KPNA7: variants seen among roughly 807,000 people sequenced by gnomAD.
KPNA7 encodes the protein importin subunit alpha-8.
Under a neutral mutation model 53.7 loss-of-function variants are expected in KPNA7, and 54 were observed. The observed-to-expected ratio is 1.01, with a 90% CI of 0.81 to 1.26. The LOEUF (loss-of-function observed/expected upper bound fraction) is 1.26, where lower values mean the gene tolerates loss of function less well. Ranked by LOEUF, KPNA7 falls within the 50% of genes most tolerant of loss-of-function variation. The pLI is 0.00. For synonymous variants in KPNA7, 276 were observed against 259.3 expected, an observed-to-expected ratio of 1.06 and a Z score of -0.62; for missense variants, 640 against 644.5, an observed-to-expected ratio of 0.99 and a Z score of 0.07.
intron 1 of KPNA7, among the ~76,000 whole-genome samples, chr7:99,216,777 G>A (rs1251026131): frequency 1.3e-5 from 2 of 152,140 alleles, no homozygotes; most frequent in Non-Finnish European, 2.9e-5. Context: ...GGCCAGGCTG[G>A]TCTCGAACTC....
intron 1 of KPNA7, among the ~76,000 whole-genome samples, chr7:99,216,876 C>T (rs1371421874): frequency 6.6e-6 from 1 of 152,160 alleles, no homozygotes; most frequent in Non-Finnish European, 1.5e-5. Flanking sequence ...CTTACCCTTT[C>T]AATCCTTCTG....
chr7:99,205,636 G>C (rs1464406440), intron 2 of KPNA7, among the ~76,000 whole-genome samples: 1 of 152,136 alleles, frequency 6.6e-6, no homozygotes, highest in Non-Finnish European at 1.5e-5. Context: ...GATCACTTGA[G>C]GCCAGGAGTT....
Position 99,180,203 on chromosome 7 carries a change from C to G in KPNA7, c.1317+1680G>C, listed in dbSNP as rs1418385515. ...TTCCCGGTCATCGTGTAAGCCTCCT[C>G]AGAAGCCAATCCTCTTGGCTAGGCA... On this transcript the variant is annotated intron_variant, in intron 9 of 10. Coordinates refer to ENST00000327442, the MANE Select transcript of KPNA7 (RefSeq NM_001145715.3). Among the ~76,000 whole-genome samples, 10 of 152,278 alleles carry G rather than the reference C, an allele frequency of 6.6e-5. 1 individual carries two copies. The South Asian group carries it at 1.5e-3, about 22-fold the overall frequency.
chr7:99,161,661 T>G, the KPNA7 span, among the ~76,000 whole-genome samples: 3 of 152,224 alleles, frequency 2.0e-5, no homozygotes, highest in Non-Finnish European at 4.4e-5. Context: ...TGCCACTTAC[T>G]GAAAGATGAA....
At chr7:99,207,359 G>A in intron 2 of KPNA7, 42 bp downstream of exon 2, 12 of 1,520,996 alleles carry the variant, frequency 7.9e-6, no homozygotes, top group Non-Finnish European at 1.1e-5. Flanking sequence ...TATGCAGATT[G>A]CACTGGTCCC....
chr7:99,211,574 G>C (rs531798015), upstream of KPNA7, among the ~76,000 whole-genome samples: 1 of 151,092 alleles, frequency 6.6e-6, no homozygotes, highest in Non-Finnish European at 1.5e-5. Flanking sequence ...GGGAGTTGGA[G>C]ATAGAACAAC....
chr7:99,167,311 C>T, the KPNA7 span, among the ~76,000 whole-genome samples: 1 of 152,182 alleles, frequency 6.6e-6, no homozygotes, highest in African/African-American at 2.4e-5. Context: ...TAGACCAGTC[C>T]GTAGCCTGAT....
At chr7:99,185,663 T>C (rs995969365) in intron 7 of KPNA7, among the ~76,000 whole-genome samples, 1 of 152,154 alleles carries the variant, frequency 6.6e-6, no homozygotes, top group African/African-American at 2.4e-5. Context: ...AAAGGAACTT[T>C]CTGGCTTCCC....
intron 1 of KPNA7, among the ~76,000 whole-genome samples, chr7:99,217,668 T>C (rs1354685939): frequency 8.2e-6 from 1 of 121,652 alleles, no homozygotes; most frequent in Non-Finnish European, 1.6e-5. Context: ...TCTTGCTCTG[T>C]CACCCAGGCT....
chr7:99,187,808 A>ATTT (rs1563075121), intron 7 of KPNA7, among the ~76,000 whole-genome samples: 1 of 34,818 alleles, frequency 2.9e-5, no homozygotes, highest in African/African-American at 5.4e-5. Flanking sequence ...TTAAAAAAAA[A>ATTT]AAAAAAAAAA....
At chr7:99,166,943 C>T in the KPNA7 span, among the ~76,000 whole-genome samples, 1 of 152,296 alleles carries the variant, frequency 6.6e-6, no homozygotes, top group African/African-American at 2.4e-5. Flanking sequence ...TGACCACTGC[C>T]CACACAGCTT....
At chr7:99,200,294 T>G (rs1790449371) in intron 3 of KPNA7, among the ~76,000 whole-genome samples, 1 of 152,176 alleles carries the variant, frequency 6.6e-6, no homozygotes, top group African/African-American at 2.4e-5. Flanking sequence ...TGCCTCAGCC[T>G]CCCAATGTGT....
chr7:99,178,076 A>C lies in KPNA7; in HGVS notation c.1318-10T>G. 1 of 1,550,862 alleles carries C rather than the reference A, an allele frequency of 6.4e-7. No homozygotes were observed. The highest frequency in any genetic ancestry group is 8.7e-7 in the Non-Finnish European group (1 of 1,146,642). On this transcript the variant is annotated splice_polypyrimidine_tract_variant and intron_variant, in intron 9 of 10. Coordinates refer to ENST00000327442, the MANE Select transcript of KPNA7 (RefSeq NM_001145715.3). ...ACCGTTTCTCTGCCGCCTGTGACCA[A>C]GTACAAGGGGACATGAGACCCCCGG...
intron 10 of KPNA7, among the ~76,000 whole-genome samples, chr7:99,176,362 A>G (rs1328433761): frequency 6.6e-6 from 1 of 151,954 alleles, no homozygotes; most frequent in Non-Finnish European, 1.5e-5. Flanking sequence ...GTGCAAATCA[A>G]ACCACAATGA....
the KPNA7 span, among the ~76,000 whole-genome samples, chr7:99,151,889 T>C: frequency 9.2e-5 from 14 of 152,004 alleles, no homozygotes; most frequent in African/African-American, 3.4e-4. Context: ...AATGCATCAT[T>C]AAAACAATGT....
intron 4 of KPNA7, 73 bp from the exon 5 acceptor site, chr7:99,195,411 A>T: frequency 2.8e-6 from 4 of 1,409,534 alleles, no homozygotes; most frequent in Non-Finnish European, 2.9e-6. Flanking sequence ...CTTTTAGGCC[A>T]GGTGCGGTGG....
At chr7:99,175,835 T>A (rs1379568672) in intron 10 of KPNA7, among the ~76,000 whole-genome samples, 1 of 151,800 alleles carries the variant, frequency 6.6e-6, no homozygotes, top group Non-Finnish European at 1.5e-5. Flanking sequence ...TGGTCCCAAA[T>A]CAAGACTAAC....
chr7:99,213,510 C>A (rs1227354560), intron 1 of KPNA7, among the ~76,000 whole-genome samples: 1 of 147,408 alleles, frequency 6.8e-6, no homozygotes, highest in Admixed American at 6.8e-5. Context: ...GCGGAGCAAT[C>A]ATAACTCACT....
intron 8 of KPNA7, among the ~76,000 whole-genome samples, chr7:99,183,395 T>TA (rs143332463): frequency 6.6e-6 from 1 of 152,070 alleles, no homozygotes; most frequent in Non-Finnish European, 1.5e-5. Context: ...GACCTCAGCA[T>TA]AAAAAACAAA....
Sources: allele counts gnomAD v4.1 joint callset (sites outside exome capture counted in the v4.1 genomes callset), GRCh38; gene constraint gnomAD v4.1.1; transcripts MANE v1.5; gene names NCBI Gene and HGNC (gene_info 2026-07-23, HGNC 2026-07-21).